The following LSAMP variants were observed in gnomAD, a reference collection of about 807,000 sequenced individuals.
LSAMP encodes the protein limbic system-associated membrane protein.
In LSAMP, 7 loss-of-function variants were observed where a neutral mutation model predicts 38.6. The observed-to-expected ratio is 0.18, with a 90% CI of 0.10 to 0.34. LSAMP has a LOEUF of 0.34. Ranked by LOEUF, LSAMP falls within the 10% of genes least tolerant of loss-of-function variation. LSAMP has a pLI of 1.00. For missense variants in LSAMP, 313 were observed against 420.0 expected, an observed-to-expected ratio of 0.75 and a Z score of 2.23; for synonymous variants, 154 against 166.8, an observed-to-expected ratio of 0.92 and a Z score of 0.59.
chr3:115,955,232 C>T (rs1938419492), intron 3 of LSAMP, among the ~76,000 whole-genome samples: 2 of 152,218 alleles, frequency 1.3e-5, no homozygotes, highest in South Asian at 4.1e-4. Flanking sequence ...CCGCGCCTGG[C>T]CATGTTTTTG....
chr3:116,279,201 C>G (rs149046190), intron 1 of LSAMP, among the ~76,000 whole-genome samples: 8 of 152,226 alleles, frequency 5.3e-5, no homozygotes, highest in African/African-American at 1.7e-4. Flanking sequence ...AGTGAGAGAG[C>G]CTTCTGTCTT....
intron 1 of LSAMP, among the ~76,000 whole-genome samples, chr3:116,322,861 T>C (rs2047723444): frequency 6.6e-6 from 1 of 152,130 alleles, no homozygotes; most frequent in African/African-American, 2.4e-5. Context: ...CTTCCTTCTC[T>C]TATCCTCGCC....
intron 1 of LSAMP, among the ~76,000 whole-genome samples, chr3:116,269,623 A>G (rs988871576): frequency 3.9e-5 from 6 of 152,116 alleles, no homozygotes; most frequent in Admixed American, 6.6e-5. Flanking sequence ...TAAATAAGTG[A>G]CCATATAATT....
chr3:116,285,362 C>A (rs1331297854), intron 1 of LSAMP, among the ~76,000 whole-genome samples: 1 of 152,124 alleles, frequency 6.6e-6, no homozygotes, highest in Admixed American at 6.6e-5. Flanking sequence ...CCCTTTTTCT[C>A]TTATAGATAT....
At chr3:116,123,843 G>A (rs1225647618) in intron 1 of LSAMP, among the ~76,000 whole-genome samples, 1 of 152,060 alleles carries the variant, frequency 6.6e-6, no homozygotes, top group Non-Finnish European at 1.5e-5. Flanking sequence ...TAATTCATTG[G>A]GTGCCAGATA....
At chr3:116,248,410 G>T (rs2107645591) in intron 1 of LSAMP, among the ~76,000 whole-genome samples, 1 of 152,028 alleles carries the variant, frequency 6.6e-6, no homozygotes, top group East Asian at 1.9e-4. Flanking sequence ...CCTGTGATGG[G>T]AGGATCACTT....
chr3:116,291,047 CAA>C (rs1202681326), intron 1 of LSAMP, among the ~76,000 whole-genome samples: 3 of 152,076 alleles, frequency 2.0e-5, no homozygotes, highest in African/African-American at 7.2e-5. Context: ...GCAATGGTTG[CAA>C]AAGACACCAG....
intron 1 of LSAMP, among the ~76,000 whole-genome samples, chr3:116,166,793 T>G (rs998679855): frequency 7.6e-5 from 11 of 145,586 alleles, no homozygotes; most frequent in Non-Finnish European, 1.1e-4. Flanking sequence ...TTTTGTTTTT[T>G]TTTTTTTTTT....
intron 3 of LSAMP, among the ~76,000 whole-genome samples, chr3:115,853,747 A>G (rs937336867): frequency 1.3e-5 from 2 of 151,866 alleles, no homozygotes; most frequent in African/African-American, 4.8e-5. Flanking sequence ...GCTAAACTGA[A>G]CCCCCTCACC....
At chr3:115,961,207 G>C (rs1938615114) in intron 3 of LSAMP, among the ~76,000 whole-genome samples, 1 of 152,164 alleles carries the variant, frequency 6.6e-6, no homozygotes, top group Non-Finnish European at 1.5e-5. Context: ...TTTCTCATAA[G>C]ATCTTCTCAT....
At chr3:115,970,086 A>G (rs1485690040) in intron 3 of LSAMP, among the ~76,000 whole-genome samples, 3 of 152,202 alleles carry the variant, frequency 2.0e-5, no homozygotes, top group Admixed American at 2.0e-4. Flanking sequence ...ATTGAGGGCG[A>G]AAGGACAGAA....
At chr3:115,920,825 T>G (rs1342690212) in intron 3 of LSAMP, among the ~76,000 whole-genome samples, 7 of 152,086 alleles carry the variant, frequency 4.6e-5, no homozygotes, top group Non-Finnish European at 1.0e-4. Context: ...TTGCTGTCTA[T>G]TTCTCCCTTT....
intron 3 of LSAMP, among the ~76,000 whole-genome samples, chr3:115,953,836 T>A (rs1938370967): frequency 6.6e-6 from 1 of 152,206 alleles, no homozygotes; most frequent in Admixed American, 6.5e-5. Flanking sequence ...TTTCCTGCTT[T>A]AGGACCCCTT....
chr3:115,839,552 C>G (rs570008241), intron 6 of LSAMP, among the ~76,000 whole-genome samples: 8 of 152,186 alleles, frequency 5.3e-5, no homozygotes, highest in Middle Eastern at 3.4e-3. Flanking sequence ...AATAGATTCA[C>G]CAATATTCTG....
rs1386709247 is a variant in LSAMP, at chr3:115,802,744, A to C, written c.*7573T>G. 1 of 152,032 alleles carries C rather than the reference A, an allele frequency of 6.6e-6. No individual in the cohort carries two copies. Among genetic ancestry groups the C allele is most frequent in the Non-Finnish European group, 1.5e-5 (1 of 68,004 alleles). 9.4% of individuals were successfully genotyped at this position (152,032 alleles called of 1,614,324 possible). The stretch of plus-strand genomic sequence containing the variant: ...ATATATATATTTATATGTATATAAC[A>C]CTGTTAATAAGGAGAATTCTAACCA... On this transcript the variant is annotated 3_prime_UTR_variant, in exon 7 of 7. Coordinates refer to ENST00000490035, the MANE Select transcript of LSAMP (RefSeq NM_002338.5).
At chr3:116,150,588 TG>T (rs1222418481) in intron 1 of LSAMP, among the ~76,000 whole-genome samples, 1 of 151,122 alleles carries the variant, frequency 6.6e-6, no homozygotes, top group Non-Finnish European at 1.5e-5. Flanking sequence ...AAAGCTAGAG[TG>T]GGGAAAAGGA....
intron 1 of LSAMP, among the ~76,000 whole-genome samples, chr3:116,097,670 C>T (rs1708253909): frequency 6.6e-6 from 1 of 152,028 alleles, no homozygotes. Flanking sequence ...GTTTGCCTTC[C>T]CTGGTAGAGG....
rs80346114 is a variant in LSAMP at position 116,090,552 on chromosome 3, G to C, written c.156-3996C>G. Reference sequence around the variant, plus strand: ...CTACCTAGAATGTTGCTGCAATTTAGTTCTAAACTTTATACTTAATGATTT... The same window carrying C: ...CTACCTAGAATGTTGCTGCAATTTACTTCTAAACTTTATACTTAATGATTT... On this transcript the variant is annotated intron_variant, in intron 1 of 6. Coordinates refer to ENST00000490035, the MANE Select transcript of LSAMP (RefSeq NM_002338.5). Among the ~76,000 whole-genome samples the C allele has an allele frequency of 2.9e-3, 435 of 152,276 alleles. 4 individuals carry two copies. The highest frequency in any genetic ancestry group is 0.01 in the African/African-American group (416 of 41,548).
intron 1 of LSAMP, among the ~76,000 whole-genome samples, chr3:116,159,822 A>G (rs185034650): frequency 8.5e-5 from 13 of 152,348 alleles, no homozygotes; most frequent in Admixed American, 8.5e-4. Context: ...ATGTGAAACA[A>G]CCTAAATGCC....
Sources: allele counts gnomAD v4.1 joint callset (sites outside exome capture counted in the v4.1 genomes callset), GRCh38; gene constraint gnomAD v4.1.1; transcripts MANE v1.5; gene names NCBI Gene and HGNC (gene_info 2026-07-23, HGNC 2026-07-21).